Variants in NEMP2 observed in about 807,000 individuals in gnomAD.
NEMP2 encodes nuclear envelope integral membrane protein 2.
Under a neutral mutation model 54.2 loss-of-function variants are expected in NEMP2, and 53 were observed. The ratio of observed to expected loss-of-function variants is 0.98; its 90% CI spans 0.78 to 1.23. NEMP2 has a LOEUF of 1.23. NEMP2 is among the 50% of genes most tolerant of loss of function. NEMP2 has a pLI of 0.00. For synonymous variants in NEMP2, 197 were observed against 190.3 expected (o/e 1.04, Z -0.29); for missense variants, 455 against 511.3 (o/e 0.89, Z 1.06).
chr2:190,628,474 T>C, the NEMP2 span: 1 of 152,268 alleles, frequency 6.6e-6, no homozygotes, highest in Non-Finnish European at 1.5e-5. The surrounding 1 kb of genome is among the most constrained non-coding windows in gnomAD (Gnocchi z 4.1). Context: ...ACGTTCTTCC[T>C]TTATAAAATC....
chr2:190,425,024 T>G, the NEMP2 span, among the ~76,000 whole-genome samples: 1 of 152,230 alleles, frequency 6.6e-6, no homozygotes, highest in Non-Finnish European at 1.5e-5. This position sits in a 1 kb window ranked among gnomAD's most constrained non-coding sequence, Gnocchi z 4.3. Context: ...GCTCTTTGAT[T>G]TCTTTCATCA....
chr2:190,565,469 T>G, the NEMP2 span, among the ~76,000 whole-genome samples: 2 of 152,206 alleles, frequency 1.3e-5, no homozygotes, highest in Non-Finnish European at 2.9e-5. Context: ...AAGCAGACTT[T>G]GAGGTGGAGT....
the NEMP2 span, among the ~76,000 whole-genome samples, chr2:190,552,184 T>A: frequency 6.6e-6 from 1 of 152,184 alleles, no homozygotes; most frequent in Admixed American, 6.5e-5. Context: ...CTCAAGTCTG[T>A]CAAAGTCTGT....
chr2:190,444,668 A>G, the NEMP2 span, among the ~76,000 whole-genome samples: 1 of 152,230 alleles, frequency 6.6e-6, no homozygotes, highest in Non-Finnish European at 1.5e-5. Context: ...GAAAACAAAC[A>G]TAAAGCCACA....
the NEMP2 span, among the ~76,000 whole-genome samples, chr2:190,619,712 T>A: frequency 6.6e-6 from 1 of 152,144 alleles, no homozygotes; most frequent in African/African-American, 2.4e-5. This position sits in a 1 kb window ranked among gnomAD's most constrained non-coding sequence, Gnocchi z 5.5. Flanking sequence ...GATTTTTCAT[T>A]CTGCTATCTA....
the NEMP2 span, among the ~76,000 whole-genome samples, chr2:190,558,580 G>A: frequency 6.6e-6 from 1 of 152,172 alleles, no homozygotes; most frequent in Non-Finnish European, 1.5e-5. This position sits in a 1 kb window ranked among gnomAD's most constrained non-coding sequence, Gnocchi z 4.4. Flanking sequence ...GTTATAGCTG[G>A]TAATAATACA....
At chr2:190,474,131 C>T in the NEMP2 span, among the ~76,000 whole-genome samples, 27 of 152,048 alleles carry the variant, frequency 1.8e-4, no homozygotes, top group Admixed American at 7.2e-4. Context: ...CCAAAATTGA[C>T]GCCCTAACAT....
the NEMP2 span, chr2:190,608,572 C>T: frequency 2.0e-5 from 3 of 152,156 alleles, no homozygotes; most frequent in African/African-American, 7.2e-5. The surrounding 1 kb of genome is among the most constrained non-coding windows in gnomAD (Gnocchi z 4.9). Flanking sequence ...CACCAGAAAG[C>T]ATTGAGCCTG....
the NEMP2 span, among the ~76,000 whole-genome samples, chr2:190,422,820 T>C: frequency 1.3e-5 from 2 of 152,202 alleles, no homozygotes; most frequent in Non-Finnish European, 2.9e-5. Flanking sequence ...CTTGGAGTTA[T>C]TATTTTCTAG....
chr2:190,643,494 T>A, the NEMP2 span, among the ~76,000 whole-genome samples: 12,721 of 152,210 alleles, frequency 0.084, 814 homozygotes, highest in East Asian at 0.22. Flanking sequence ...GGCTCTCCCA[T>A]GTTACCTAAA....
chr2:190,518,783 CA>C lies in NEMP2; in HGVS notation c.470del (p.Val157GlyfsTer15). 2 of 1,546,776 alleles carry C rather than the reference CA, an allele frequency of 1.3e-6. No individual in the cohort carries two copies. Among genetic ancestry groups the C allele is most frequent in the Non-Finnish European group, 1.7e-6 (2 of 1,145,948 alleles). The part of the protein sequence containing the change: ...RNIMDFKLFL[V>X]FVAGVFLFFY... ...AGAAAAGAAAAACTCCTGCCACAAA[CA>C]CAAGGAAGAGTTTGAAATCCATGAC... On this transcript the variant is annotated frameshift_variant, in exon 4 of 9. Coordinates refer to ENST00000409150, the MANE Select transcript of NEMP2 (RefSeq NM_001142645.2). LOFTEE classifies it high-confidence loss of function.
At chr2:190,541,196 T>TA in the NEMP2 span, among the ~76,000 whole-genome samples, 2 of 147,044 alleles carry the variant, frequency 1.4e-5, no homozygotes, top group Admixed American at 6.9e-5. The surrounding 1 kb of genome is among the most constrained non-coding windows in gnomAD (Gnocchi z 5.2). Context: ...ATATATATAT[T>TA]TGGTCTCCAT....
the NEMP2 span, among the ~76,000 whole-genome samples, chr2:190,544,661 G>A: frequency 6.6e-6 from 1 of 152,042 alleles, no homozygotes; most frequent in African/African-American, 2.4e-5. Flanking sequence ...ATCATGGCTG[G>A]AAAATAGTAT....
At chr2:190,497,654 T>C in the NEMP2 span, 1 of 1,614,140 alleles carries the variant, frequency 6.2e-7, no homozygotes, top group Non-Finnish European at 8.5e-7. This position sits in a 1 kb window ranked among gnomAD's most constrained non-coding sequence, Gnocchi z 5.2. Context: ...CTATGCACTC[T>C]ACCAAATTAA....
At chr2:190,452,683 G>A in the NEMP2 span, among the ~76,000 whole-genome samples, 1 of 152,100 alleles carries the variant, frequency 6.6e-6, no homozygotes, top group South Asian at 2.1e-4. Flanking sequence ...ACTAATGCCT[G>A]GTATCACTTT....
At chr2:190,614,283 AAC>A in the NEMP2 span, among the ~76,000 whole-genome samples, 1 of 152,150 alleles carries the variant, frequency 6.6e-6, no homozygotes. The surrounding 1 kb of genome is among the most constrained non-coding windows in gnomAD (Gnocchi z 5.7). Flanking sequence ...TTTTTTTCCA[AAC>A]AAAGTCATTT....
intron 1 of NEMP2, 183 bp downstream of exon 1, chr2:190,534,376 G>A: frequency 8.3e-7 from 1 of 1,208,364 alleles, no homozygotes; most frequent in Non-Finnish European, 1.0e-6. Context: ...AGAGACTACG[G>A]AAGCCCAGTA....
the NEMP2 span, chr2:190,648,168 G>A: frequency 6.6e-6 from 1 of 152,256 alleles, no homozygotes; most frequent in Non-Finnish European, 1.5e-5. Context: ...ACATTAAACA[G>A]TAAAATAAAA....
chr2:190,468,418 T>G, the NEMP2 span, among the ~76,000 whole-genome samples: 2 of 151,806 alleles, frequency 1.3e-5, no homozygotes, highest in African/African-American at 4.8e-5. Flanking sequence ...GTTGATTCAG[T>G]GTTGGGAAAA....
Sources: allele counts gnomAD v4.1 joint callset (sites outside exome capture counted in the v4.1 genomes callset), GRCh38; gene constraint gnomAD v4.1.1; non-coding constraint Gnocchi (gnomAD v3.1); transcripts MANE v1.5; gene names NCBI Gene and HGNC (gene_info 2026-07-23, HGNC 2026-07-21).